Variants in PLCB2 observed in about 807,000 individuals in gnomAD.
PLCB2 encodes the protein phospholipase C beta 2.
In PLCB2, 115 loss-of-function variants were observed where a neutral mutation model predicts 141.7. The observed-to-expected ratio is 0.81, with a 90% confidence interval of 0.70 to 0.95. PLCB2 has a LOEUF of 0.95. PLCB2 is among the 40% of genes least tolerant of loss of function. The probability of loss-of-function intolerance (pLI) is 0.00; values close to 1 mark genes in which losing one functional copy is unlikely to be tolerated. For missense variants in PLCB2, 1,403 were observed against 1,541.1 expected (o/e 0.91, Z 1.50); for synonymous variants, 603 against 595.6 (o/e 1.01, Z -0.18).
intron 27 of PLCB2, 73 bp from the exon 28 acceptor site, chr15:40,290,910 T>C (rs1595632232): frequency 1.4e-6 from 1 of 693,776 alleles, no homozygotes; most frequent in African/African-American, 3.6e-5. Flanking sequence ...CGGGGGTCGG[T>C]GGAGGGGAGT....
chr15:40,285,446 G>C (rs139432667), downstream of PLCB2: 2 of 786,270 alleles, frequency 2.5e-6, no homozygotes, highest in African/African-American at 3.7e-5. Flanking sequence ...AAGTTAGAAA[G>C]TGTCAGGGAA....
rs758854976 is a variant in PLCB2, at chr15:40,291,057, G to A, written c.2997C>T (p.Tyr999=). 1.3e-6 allele frequency: 2 copies of A among 1,592,914 alleles called. No individual in the cohort carries two copies. The highest frequency in any genetic ancestry group is 2.3e-5 in the East Asian group (1 of 44,388). The change falls in exon 27 of 32, where the codon TAC becomes TAT. Residue 999 remains tyrosine (Y), a synonymous_variant. Transcript: ENST00000260402. ...GCTCCTTGCGCTTCAGAACGCACTC[G>A]TACTGCTCCTCGCCCTGCCGCAGCA... ...LELLRQGEEQ[Y]ECVLKRKEQH...
In PLCB2 at chr15:40,291,638, C is replaced by G; in HGVS notation, c.2615G>C (p.Gly872Ala). The G allele has an allele frequency of 6.2e-7, 1 of 1,613,248 alleles. No homozygotes were observed. Among genetic ancestry groups the G allele is most frequent in the Non-Finnish European group, 8.5e-7 (1 of 1,179,858 alleles). The change falls in exon 25 of 32, where the codon GGG (glycine) becomes GCG (alanine). Residue 872 changes from glycine to alanine, a missense_variant. By Grantham distance (60) the Gly-to-Ala change is moderately conservative. This residue lies in a region of PLCB2 where 975 missense variants were observed against 1,141.1 expected (regional missense o/e 0.85). Coordinates refer to ENST00000260402, the MANE Select transcript of PLCB2 (RefSeq NM_004573.3). ...TTCTTTCATAGCCTCTTCCCTGGCC[C>G]CGGCCCTGGCTGCTGCAAGAGCCAC... ...TSNGSPAARA[G>A]AREEAMKEAA...
chr15:40,295,700 A>G (rs2040173068), intron 16 of PLCB2, among the ~76,000 whole-genome samples: 1 of 152,156 alleles, frequency 6.6e-6, no homozygotes, highest in Non-Finnish European at 1.5e-5. Context: ...GGGGCACATT[A>G]ACTGTAGTAC....
rs371857949 is a variant in PLCB2 at position 40,302,526 on chromosome 15, C to T, written c.315G>A (p.Pro105=). 8.7e-6 allele frequency: 14 copies of T among 1,614,052 alleles called. No homozygotes were observed. Among genetic ancestry groups the T allele is most frequent in the Non-Finnish European group, 1.1e-5 (13 of 1,180,026 alleles). ...TGTGGAAGGTGAGGTCCACCATGTC[C>T]GGGCCGGACACCACCGTGAGTGTCT... ...LLKTLTVVSG[P]DMVDLTFHNF... is the part of the protein sequence containing the mutation. The change falls in exon 4 of 32, where the codon CCG becomes CCA. Residue 105 remains proline (P), a synonymous_variant. Coordinates refer to ENST00000260402, the MANE Select transcript of PLCB2 (RefSeq NM_004573.3).
At chr15:40,290,302 G>A (rs1183284913) in intron 29 of PLCB2, among the ~76,000 whole-genome samples, 1 of 152,162 alleles carries the variant, frequency 6.6e-6, no homozygotes, top group Admixed American at 6.5e-5. Context: ...CCTTCCGTGG[G>A]AAACAGTGCC....
chr15:40,295,506 G>T (rs922121860), intron 16 of PLCB2, among the ~76,000 whole-genome samples: 2 of 146,516 alleles, frequency 1.4e-5, no homozygotes, highest in Non-Finnish European at 3.0e-5. Flanking sequence ...CAGGGGTGGG[G>T]TGTGTGCCAT....
chr15:40,306,456 A>G (rs1004096188), intron 1 of PLCB2, among the ~76,000 whole-genome samples: 3 of 152,088 alleles, frequency 2.0e-5, no homozygotes, highest in African/African-American at 7.2e-5. Context: ...GGTTACACAC[A>G]CTGCCCAGAG....
intron 7 of PLCB2, chr15:40,301,306 G>T: frequency 1.9e-6 from 1 of 531,130 alleles, no homozygotes. Flanking sequence ...GCCAAGCAGG[G>T]ACAGGGGCTG....
Position 40,287,945 on chromosome 15 carries a change from G to A in PLCB2, c.*770C>T. 1 of 984,386 alleles carries A rather than the reference G, an allele frequency of 1.0e-6. No individual in the cohort carries two copies. The highest frequency in any genetic ancestry group is 1.2e-6 in the Non-Finnish European group (1 of 828,984). The allele number at this position is 984,386 out of a possible 1,614,324, so 61.0% of individuals were successfully genotyped here. A position where few individuals can be genotyped will look rare whatever the true frequency, so the allele number is the denominator to read the frequency against. On this transcript the variant is annotated 3_prime_UTR_variant, in exon 32 of 32. Transcript: ENST00000260402. ...GGTTCTTTAATAGGAGTAGGAAAGA[G>A]AAAAATAAATAAACCTCATAAATTC...
intron 21 of PLCB2, 46 bp downstream of exon 21, chr15:40,292,880 G>A: frequency 7.7e-7 from 1 of 1,295,974 alleles, no homozygotes; most frequent in Non-Finnish European, 1.1e-6. Context: ...CCTGTGCACA[G>A]GCTCCTGCTG....
In PLCB2 at chr15:40,291,154, G is replaced by A; in HGVS notation, c.2900C>T (p.Ala967Val). The A allele has an allele frequency of 6.4e-7, 1 of 1,570,472 alleles. No individual in the cohort carries two copies. ...RSLPREESAG[A>V]APGEGPEGVD... The stretch of plus-strand genomic sequence containing the variant: ...GCCCTCAGGGCCCTCGCCCGGCGCG[G>A]CTCCGGCGCTCTCCTCGCGGGGCAG... Residue 967 changes from alanine to valine, a missense_variant, in exon 27 of 32, where the codon GCC (alanine) becomes GTC (valine). By Grantham distance (64) the Ala-to-Val change is moderately conservative. Coordinates refer to ENST00000260402, the MANE Select transcript of PLCB2 (RefSeq NM_004573.3).
chr15:40,291,163 C>T lies in PLCB2; in HGVS notation c.2891G>A (p.Ser964Asn), dbSNP rs963384124. The T allele has an allele frequency of 6.4e-7, 1 of 1,571,122 alleles. No homozygotes were observed. Among genetic ancestry groups the T allele is most frequent in the Non-Finnish European group, 8.6e-7 (1 of 1,166,192 alleles). ...RKKRSLPREE[S>N]AGAAPGEGPE... ...GCCCTCGCCCGGCGCGGCTCCGGCGCTCTCCTCGCGGGGCAGGCTCCTGGG... is the reference window on the plus strand; with the variant it reads ...GCCCTCGCCCGGCGCGGCTCCGGCGTTCTCCTCGCGGGGCAGGCTCCTGGG... Residue 964 changes from serine (S) to asparagine (N), a missense_variant, in exon 27 of 32, where the codon AGC (serine) becomes AAC (asparagine). Ser to Asn is a conservative substitution (Grantham distance 46). Around this residue, in one of 4 missense-constraint regions of PLCB2, gnomAD observed 290 missense variants for 245.9 expected, o/e 1.18. Coordinates refer to ENST00000260402, the MANE Select transcript of PLCB2 (RefSeq NM_004573.3).
At chr15:40,303,412 TC>T in intron 2 of PLCB2, 56 bp from the exon 3 acceptor site, 1 of 1,327,682 alleles carries the variant, frequency 7.5e-7, no homozygotes, top group Non-Finnish European at 1.1e-6. Context: ...GGACAAAAAG[TC>T]CAGGTCAAGA....
rs370834459 is a variant in PLCB2 at position 40,293,691 on chromosome 15, C to T, written c.2095G>A (p.Val699Met). 3.0e-5 allele frequency: 49 copies of T among 1,613,922 alleles called. No homozygotes were observed. Among genetic ancestry groups the T allele is most frequent in the East Asian group, 2.0e-4 (9 of 44,876 alleles). Residue 699 changes from valine (V) to methionine (M), a missense_variant, in exon 20 of 32, where the codon GTG becomes ATG. Val to Met is a conservative substitution (Grantham distance 21). Transcript: ENST00000260402. ...AGCTCCACTTCTACATAGGTGCGCACGCTGCGTTCTGACAGGAACTGCCCA... is the reference window on the plus strand; with the variant it reads ...AGCTCCACTTCTACATAGGTGCGCATGCTGCGTTCTGACAGGAACTGCCCA... Reference protein sequence around the residue: ...ISGQFLSERSVRTYVEVELFG... With the variant: ...ISGQFLSERSMRTYVEVELFG...
At chr15:40,301,483 C>T in intron 7 of PLCB2, 1 of 696,340 alleles carries the variant, frequency 1.4e-6, no homozygotes, top group Non-Finnish European at 2.6e-6. Context: ...CTTTTCTGTA[C>T]AGAGCAGAAG....
intron 16 of PLCB2, among the ~76,000 whole-genome samples, chr15:40,296,067 G>A (rs937160923): frequency 6.6e-6 from 1 of 152,116 alleles, no homozygotes; most frequent in Non-Finnish European, 1.5e-5. Flanking sequence ...GGAGCCCCAG[G>A]CCATCCCAGC....
At position 40,301,623 on chromosome 15, in the gene PLCB2, C is replaced by T. The variant is rs150924475; in HGVS notation, c.582+334G>A. On this transcript the variant is annotated intron_variant, in intron 7 of 31. Transcript: ENST00000260402. ...CGCTCCTCCAGGCTGAAAACATTCA[C>T]GCTCAGCTCCCATTCCCAACACTAG... The T allele has an allele frequency of 4.9e-3, 3,474 of 702,994 alleles. 19 individuals are homozygous for T. The highest frequency in any genetic ancestry group is 6.6e-3 in the Non-Finnish European group (2,538 of 385,000). The allele number at this position is 702,994 out of a possible 1,614,324, so 43.5% of individuals were successfully genotyped here. A position where few individuals can be genotyped will look rare whatever the true frequency, so the allele number is the denominator to read the frequency against.
chr15:40,299,298 G>T, intron 7 of PLCB2, 70 bp from the exon 8 acceptor site: 1 of 1,077,108 alleles, frequency 9.3e-7, no homozygotes, highest in Non-Finnish European at 1.4e-6. Flanking sequence ...ACTCGGCCCA[G>T]CCCTGGTCAA....
Sources: allele counts gnomAD v4.1 joint callset (sites outside exome capture counted in the v4.1 genomes callset), GRCh38; gene constraint gnomAD v4.1.1; regional missense constraint gnomAD v4.1.1; transcripts MANE v1.5; gene names NCBI Gene and HGNC (gene_info 2026-07-23, HGNC 2026-07-21).